The following ACTR3C variants were observed in gnomAD, a reference collection of about 807,000 sequenced individuals.
The protein encoded by ACTR3C is actin related protein 3C.
Under a neutral mutation model 26.3 loss-of-function variants are expected in ACTR3C, and 18 were observed. The ratio of observed to expected loss-of-function variants is 0.68; its 90% CI spans 0.47 to 1.01. The LOEUF (loss-of-function observed/expected upper bound fraction) is 1.01, where lower values mean the gene tolerates loss of function less well. Ranked by LOEUF, ACTR3C falls within the 50% of genes least tolerant of loss-of-function variation. The pLI is 0.00. For synonymous variants in ACTR3C, 55 were observed against 94.5 expected (o/e 0.58, Z 2.42); for missense variants, 184 against 250.7 (o/e 0.73, Z 1.80).
chr7:150,119,937 A>G, the ACTR3C span, among the ~76,000 whole-genome samples: 2 of 152,224 alleles, frequency 1.3e-5, no homozygotes, highest in Non-Finnish European at 2.9e-5. Context: ...CACTCACTCA[A>G]AACTGCACAA....
At chr7:150,102,396 C>G in the ACTR3C span, among the ~76,000 whole-genome samples, 1 of 152,002 alleles carries the variant, frequency 6.6e-6, no homozygotes, top group Admixed American at 6.6e-5. Context: ...TATTCAGGAA[C>G]TTATTTTTCA....
At chr7:150,036,544 G>T in the ACTR3C span, among the ~76,000 whole-genome samples, 1 of 144,604 alleles carries the variant, frequency 6.9e-6, no homozygotes, top group Non-Finnish European at 1.6e-5. Flanking sequence ...CATTTCAAAA[G>T]TTCCGGGTCC....
rs111805659 is a variant in ACTR3C at position 150,312,759 on chromosome 7, C to A, written c.-52+10710G>T. 4.1e-3 allele frequency among the ~76,000 whole-genome samples: 627 copies of A among 152,222 alleles called. 5 individuals are homozygous for A. Among genetic ancestry groups the A allele is most frequent in the African/African-American group, 0.014 (581 of 41,536 alleles). On this transcript the variant is annotated intron_variant, in intron 1 of 7. Coordinates refer to ENST00000683684, the MANE Select transcript of ACTR3C (RefSeq NM_001164458.2). ...CTACCCCCATAATCCCCAGAAAAAACCGATATTTTCTTCATCTTTTCTTAT... is the reference window on the plus strand; with the variant it reads ...CTACCCCCATAATCCCCAGAAAAAAACGATATTTTCTTCATCTTTTCTTAT...
At chr7:150,212,658 G>A in the ACTR3C span, among the ~76,000 whole-genome samples, 312 of 152,188 alleles carry the variant, frequency 2.1e-3, no homozygotes, top group African/African-American at 7.3e-3. Context: ...GAAGAACAAT[G>A]GTGGATAAGA....
chr7:150,048,227 C>T, the ACTR3C span, among the ~76,000 whole-genome samples: 1 of 152,176 alleles, frequency 6.6e-6, no homozygotes, highest in Non-Finnish European at 1.5e-5. Context: ...AATGCCTAGG[C>T]CCCAGAATTT....
intron 6 of ACTR3C, among the ~76,000 whole-genome samples, chr7:150,277,955 T>C (rs930916114): frequency 1.3e-5 from 2 of 152,142 alleles, no homozygotes; most frequent in Non-Finnish European, 2.9e-5. Context: ...TCTAACTCCA[T>C]GCGAGGCCCC....
the ACTR3C span, among the ~76,000 whole-genome samples, chr7:149,918,194 A>T: frequency 5.9e-5 from 9 of 151,828 alleles, no homozygotes; most frequent in Non-Finnish European, 1.0e-4. Context: ...GTTACTTCGT[A>T]TATATAAGAT....
the ACTR3C span, among the ~76,000 whole-genome samples, chr7:150,220,204 C>T: frequency 1.1e-4 from 17 of 148,544 alleles, no homozygotes; most frequent in Non-Finnish European, 2.2e-4. Flanking sequence ...CATCTGCGCC[C>T]CACGCCCCCG....
chr7:150,188,636 G>A, the ACTR3C span, among the ~76,000 whole-genome samples: 1 of 151,884 alleles, frequency 6.6e-6, no homozygotes, highest in East Asian at 1.9e-4. Flanking sequence ...AGTGAGGGGA[G>A]GGGATTGGTA....
intron 6 of ACTR3C, among the ~76,000 whole-genome samples, chr7:150,270,525 A>G (rs1161525680): frequency 6.7e-6 from 1 of 149,070 alleles, no homozygotes; most frequent in African/African-American, 2.5e-5. Flanking sequence ...CTGGCAGTCT[A>G]GAAGCTCTCG....
chr7:149,985,853 C>A, the ACTR3C span, among the ~76,000 whole-genome samples: 1 of 152,190 alleles, frequency 6.6e-6, no homozygotes, highest in Non-Finnish European at 1.5e-5. Flanking sequence ...CTCCCTATGT[C>A]CCACAGACAT....
At chr7:150,198,995 C>A in the ACTR3C span, among the ~76,000 whole-genome samples, 2 of 144,298 alleles carry the variant, frequency 1.4e-5, no homozygotes, top group African/African-American at 2.8e-5. Context: ...GGGTCAGCCC[C>A]CCTGCCCGGC....
chr7:150,160,294 C>A, the ACTR3C span, among the ~76,000 whole-genome samples: 7 of 152,102 alleles, frequency 4.6e-5, no homozygotes, highest in Admixed American at 1.3e-4. Flanking sequence ...AGTTGCAAAT[C>A]TAATCCCTAG....
chr7:150,092,002 A>AAG, the ACTR3C span, among the ~76,000 whole-genome samples: 2 of 135,724 alleles, frequency 1.5e-5, no homozygotes, highest in African/African-American at 6.2e-5. Flanking sequence ...AAAAAAAAAA[A>AAG]AAAAAAAAAA....
At chr7:150,137,577 T>C in the ACTR3C span, among the ~76,000 whole-genome samples, 2 of 152,150 alleles carry the variant, frequency 1.3e-5, no homozygotes, top group South Asian at 2.1e-4. Flanking sequence ...TTCCATATGG[T>C]ATATTCCTTG....
the ACTR3C span, among the ~76,000 whole-genome samples, chr7:150,038,009 C>G: frequency 1.7e-4 from 23 of 138,126 alleles, 2 homozygotes; most frequent in South Asian, 9.1e-4. Flanking sequence ...GGAATTGCCT[C>G]CCCCCCTGCT....
At chr7:149,945,637 G>C in the ACTR3C span, among the ~76,000 whole-genome samples, 806 of 152,194 alleles carry the variant, frequency 5.3e-3, 10 homozygotes, top group African/African-American at 0.019. Context: ...TGGATGGATG[G>C]GGGAGGCCTG....
At chr7:150,066,996 C>T in the ACTR3C span, among the ~76,000 whole-genome samples, 639 of 152,238 alleles carry the variant, frequency 4.2e-3, 8 homozygotes, top group African/African-American at 0.015. Flanking sequence ...ACTAATCAAC[C>T]ATGGAATGTG....
the ACTR3C span, among the ~76,000 whole-genome samples, chr7:150,014,582 C>A: frequency 1.3e-5 from 2 of 151,738 alleles, no homozygotes; most frequent in Non-Finnish European, 2.9e-5. Context: ...GAGTTCTAGG[C>A]GGCAGCAGGA....
Sources: gnomAD v4.1 joint callset for allele counts (sites outside exome capture counted in the v4.1 genomes callset) on GRCh38, gnomAD v4.1.1 for gene constraint, MANE v1.5 for transcripts, NCBI Gene and HGNC (gene_info 2026-07-23, HGNC 2026-07-21) for gene names.